Variants in IFT122 observed in about 807,000 individuals in gnomAD.
IFT122 encodes intraflagellar transport 122.
IFT122 carries 118 observed loss-of-function variants against 161.6 expected under a neutral mutation model. That is an observed-to-expected ratio of 0.73 (90% CI 0.63 to 0.85). The LOEUF (loss-of-function observed/expected upper bound fraction) is 0.85, where lower values mean the gene tolerates loss of function less well. IFT122 is among the 40% of genes least tolerant of loss of function. The pLI, the probability that IFT122 is intolerant of heterozygous loss-of-function variation, is 0.00. For synonymous variants in IFT122, 550 were observed against 602.4 expected (o/e 0.91, Z 1.27); for missense variants, 1,381 against 1,579.6 (o/e 0.87, Z 2.13).
intron 21 of IFT122, among the ~76,000 whole-genome samples, chr3:129,505,162 G>A (rs1419511930): frequency 6.6e-6 from 1 of 152,198 alleles, no homozygotes; most frequent in African/African-American, 2.4e-5. Context: ...GCTGTGCAAG[G>A]ACGAAGAGGC....
intron 15 of IFT122, among the ~76,000 whole-genome samples, chr3:129,485,193 C>A (rs1479720288): frequency 6.6e-6 from 1 of 152,192 alleles, no homozygotes; most frequent in African/African-American, 2.4e-5. Flanking sequence ...GGCGCCTTGG[C>A]ATAAATTCCT....
intron 26 of IFT122, 150 bp downstream of exon 26, chr3:129,515,749 C>T (rs1244121117): frequency 1.1e-5 from 8 of 744,734 alleles, no homozygotes; most frequent in Non-Finnish European, 1.9e-5. Flanking sequence ...CGCCCACCTA[C>T]CTGACACAAG....
rs1427821554 is a variant in IFT122, at chr3:129,481,550, C to CA, written c.1511dup (p.Asn504LysfsTer24). The CA allele has an allele frequency of 6.3e-7, 1 of 1,583,608 alleles. No homozygotes were observed. Among genetic ancestry groups the CA allele is most frequent in the Non-Finnish European group, 8.7e-7 (1 of 1,152,854 alleles). On this transcript the variant is annotated frameshift_variant, in exon 14 of 30. Transcript: ENST00000348417. LOFTEE classifies it high-confidence loss of function. ...GCCAGATCCTGAAGATCTTCGTGGA[C>CA]AATCTCTTTGCTATCGTCCTGCTGA... is the stretch of plus-strand genomic sequence containing the variant.
rs763043080 is a variant in IFT122 at position 129,520,280 on chromosome 3, A to T, written c.*15A>T. The T allele has an allele frequency of 1.3e-5, 20 of 1,595,010 alleles. No individual in the cohort carries two copies. In the Admixed American group the frequency reaches 3.4e-4, roughly 27 times the overall value. ...CTGGCCCATGACCAGCATCCTGGGGACGGCCTGCACCCTCTGCCCGCCTTG... is the reference window on the plus strand; with the variant it reads ...CTGGCCCATGACCAGCATCCTGGGGTCGGCCTGCACCCTCTGCCCGCCTTG... On this transcript the variant is annotated 3_prime_UTR_variant, in exon 30 of 30. Transcript: ENST00000348417.
At chr3:129,502,016 T>A (rs1376402598) in intron 19 of IFT122, among the ~76,000 whole-genome samples, 1 of 152,140 alleles carries the variant, frequency 6.6e-6, no homozygotes, top group Non-Finnish European at 1.5e-5. Context: ...ACAAGCGCAT[T>A]CTATCCAGGC....
chr3:129,472,581 C>T (rs2077476300), intron 9 of IFT122, among the ~76,000 whole-genome samples: 1 of 151,876 alleles, frequency 6.6e-6, no homozygotes, highest in African/African-American at 2.4e-5. Flanking sequence ...TTGGTGTTCA[C>T]TGAGCTTTTT....
chr3:129,476,727 T>A lies in IFT122; in HGVS notation c.1073T>A (p.Leu358His). Residue 358 changes from leucine (L) to histidine (H), a missense_variant, in exon 11 of 30, where the codon CTT (leucine) becomes CAT (histidine). Coordinates refer to ENST00000348417, the MANE Select transcript of IFT122 (RefSeq NM_052989.3). ...YQLIFSTVHG[L>H]YKDRYAYRDS... ...CTTATTTTCAGCACAGTCCATGGGC[T>A]TTACAAGGACCGCTATGCCTACAGG... 6.2e-7 allele frequency: 1 copy of A among 1,614,194 alleles called. No homozygotes were observed. The highest frequency in any genetic ancestry group is 8.5e-7 in the Non-Finnish European group (1 of 1,180,044).
intron 25 of IFT122, chr3:129,514,795 G>A: frequency 1.6e-6 from 1 of 610,230 alleles, no homozygotes; most frequent in Non-Finnish European, 2.9e-6. Flanking sequence ...CCCTCAGCCT[G>A]GCCTCCCTTG....
At chr3:129,483,854 C>A in intron 15 of IFT122, 172 bp downstream of exon 15, 1 of 711,434 alleles carries the variant, frequency 1.4e-6, no homozygotes, top group Non-Finnish European at 2.5e-6. Context: ...CCACTCCTTG[C>A]AACCTGTGTG....
chr3:129,452,197 C>G (rs1256417353), intron 3 of IFT122, 199 bp downstream of exon 3: 2 of 557,084 alleles, frequency 3.6e-6, no homozygotes, highest in African/African-American at 1.9e-5. Context: ...AGGCACTGTT[C>G]AAGGTGCTTG....
chr3:129,446,765 CAG>C (rs1577168484), intron 1 of IFT122, among the ~76,000 whole-genome samples: 4 of 152,162 alleles, frequency 2.6e-5, no homozygotes, highest in Admixed American at 1.3e-4. Context: ...ATATTTGGCT[CAG>C]AATAAATCTC....
intron 26 of IFT122, among the ~76,000 whole-genome samples, chr3:129,515,859 C>G (rs941129283): frequency 1.3e-5 from 2 of 152,126 alleles, no homozygotes; most frequent in Admixed American, 6.5e-5. Flanking sequence ...ACCAAATGCC[C>G]CAGAAAGAGA....
Position 129,520,293 on chromosome 3 carries a change from T to C in IFT122, c.*28T>C. ...AGCATCCTGGGGACGGCCTGCACCC[T>C]CTGCCCGCCTTGGGGTCTGCTGGGC... On this transcript the variant is annotated 3_prime_UTR_variant, in exon 30 of 30. Coordinates refer to ENST00000348417, the MANE Select transcript of IFT122 (RefSeq NM_052989.3). 1 of 1,545,614 alleles carries C rather than the reference T, an allele frequency of 6.5e-7. No individual in the cohort carries two copies. Among genetic ancestry groups the C allele is most frequent in the Non-Finnish European group, 8.9e-7 (1 of 1,128,966 alleles).
intron 4 of IFT122, among the ~76,000 whole-genome samples, chr3:129,459,994 C>A (rs2076053779): frequency 6.6e-6 from 1 of 151,840 alleles, no homozygotes; most frequent in South Asian, 2.1e-4. Context: ...AACTCCTGGG[C>A]TCAAGCAGTC....
chr3:129,481,462 C>T lies in IFT122; in HGVS notation c.1489-68C>T, dbSNP rs189623670. 6.1e-3 allele frequency: 8,255 copies of T among 1,344,906 alleles called. 33 individuals are homozygous for T. Among genetic ancestry groups the T allele is most frequent in the Non-Finnish European group, 7.6e-3 (7,157 of 938,568 alleles). 83.3% of individuals were successfully genotyped at this position (1,344,906 alleles called of 1,614,324 possible). A position where few individuals can be genotyped will look rare whatever the true frequency, so the allele number is the denominator to read the frequency against. On this transcript the variant is annotated intron_variant, in intron 13 of 29. Coordinates refer to ENST00000348417, the MANE Select transcript of IFT122 (RefSeq NM_052989.3). ...TCTTGCAGAGCACATGGGATTCCAA[C>T]GGCCTGGCAGTGGGCCAGGATCTTG...
intron 4 of IFT122, among the ~76,000 whole-genome samples, chr3:129,459,996 C>A (rs72988814): frequency 0.042 from 6,344 of 151,892 alleles, 396 homozygotes; most frequent in African/African-American, 0.13. Context: ...CTCCTGGGCT[C>A]AAGCAGTCCT....
At chr3:129,503,678 G>A (rs1191682589) in intron 20 of IFT122, among the ~76,000 whole-genome samples, 2 of 152,190 alleles carry the variant, frequency 1.3e-5, no homozygotes, top group Non-Finnish European at 2.9e-5. Flanking sequence ...CATTGGTGAG[G>A]TGATGAGGTC....
intron 1 of IFT122, among the ~76,000 whole-genome samples, chr3:129,440,880 AACTT>A (rs1215943173): frequency 1.3e-5 from 2 of 152,200 alleles, no homozygotes; most frequent in Non-Finnish European, 2.9e-5. Context: ...GTAAAAGTAA[AACTT>A]AAAGTAGGGA....
At chr3:129,499,648 G>A (rs1164358802) in intron 18 of IFT122, among the ~76,000 whole-genome samples, 2 of 152,186 alleles carry the variant, frequency 1.3e-5, no homozygotes, top group African/African-American at 2.4e-5. Context: ...TTTGTGAGAC[G>A]GGAAGGAAGC....
Sources: gnomAD v4.1 joint callset for allele counts (sites outside exome capture counted in the v4.1 genomes callset) on GRCh38, gnomAD v4.1.1 for gene constraint, MANE v1.5 for transcripts, NCBI Gene and HGNC (gene_info 2026-07-23, HGNC 2026-07-21) for gene names.